The following MECOM variants were observed in gnomAD, a reference collection of about 807,000 sequenced individuals.
MECOM encodes MDS1 and EVI1 complex locus.
In MECOM, 13 loss-of-function variants were observed where a neutral mutation model predicts 116.3. That is an observed-to-expected ratio of 0.11 (90% CI 0.07 to 0.18). The LOEUF (loss-of-function observed/expected upper bound fraction) is 0.18. MECOM is among the 10% of genes least tolerant of loss of function. MECOM has a pLI of 1.00. For missense variants in MECOM, 1,299 were observed against 1,509.0 expected, an observed-to-expected ratio of 0.86 and a Z score of 2.31; for synonymous variants, 528 against 535.2, an observed-to-expected ratio of 0.99 and a Z score of 0.19.
At chr3:169,341,260 G>A (rs1724450325) in intron 2 of MECOM, among the ~76,000 whole-genome samples, 1 of 151,994 alleles carries the variant, frequency 6.6e-6, no homozygotes, top group Admixed American at 6.6e-5. Flanking sequence ...GATGGAACTG[G>A]AGGTCATTAT....
chr3:169,187,084 G>A (rs1272885681), intron 2 of MECOM, among the ~76,000 whole-genome samples: 1 of 152,144 alleles, frequency 6.6e-6, no homozygotes, highest in Non-Finnish European at 1.5e-5. Flanking sequence ...AAGTCTGACT[G>A]TACAGTGCTG....
intron 1 of MECOM, among the ~76,000 whole-genome samples, chr3:169,536,327 CTGTT>C (rs1759345688): frequency 7.2e-6 from 1 of 138,956 alleles, no homozygotes; most frequent in South Asian, 2.3e-4. Flanking sequence ...ATTTGGAGCT[CTGTT>C]TGTTAAATGT....
intron 1 of MECOM, among the ~76,000 whole-genome samples, chr3:169,502,532 C>T (rs1453315386): frequency 6.6e-6 from 1 of 152,086 alleles, no homozygotes; most frequent in Non-Finnish European, 1.5e-5. Context: ...CCTAAAAACA[C>T]CCTTTTACAC....
rs549744746 is a variant in MECOM, at chr3:169,555,053, T to C, written c.37+108283A>G. On this transcript the variant is annotated intron_variant, in intron 1 of 16. Transcript: ENST00000651503. ...TTCTAAATAAGTTTACCAGAAGAGG[T>C]ATGATGATTTTATGTCATTTATATT... 2.6e-5 allele frequency among the ~76,000 whole-genome samples: 4 copies of C among 152,296 alleles called. No homozygotes were observed. The South Asian group carries it at 8.3e-4, about 32-fold the overall frequency.
intron 2 of MECOM, among the ~76,000 whole-genome samples, chr3:169,176,823 C>T (rs1745232940): frequency 1.3e-5 from 2 of 151,966 alleles, no homozygotes; most frequent in East Asian, 3.9e-4. Context: ...GAACAGACAA[C>T]TCAAAATAAG....
chr3:169,485,940 T>TAC (rs1491397501), intron 1 of MECOM, among the ~76,000 whole-genome samples: 8 of 66,322 alleles, frequency 1.2e-4, no homozygotes, highest in Admixed American at 1.0e-3. Flanking sequence ...ATAGTATATA[T>TAC]GTATGTATAT....
intron 1 of MECOM, among the ~76,000 whole-genome samples, chr3:169,417,752 T>G (rs1738924135): frequency 6.6e-6 from 1 of 151,912 alleles, no homozygotes; most frequent in African/African-American, 2.4e-5. Flanking sequence ...ATGTGGCACA[T>G]ATACACCATG....
chr3:169,103,153 TG>T (rs1395894714), intron 10 of MECOM, among the ~76,000 whole-genome samples: 2 of 151,450 alleles, frequency 1.3e-5, no homozygotes, highest in Non-Finnish European at 2.9e-5. Flanking sequence ...TTTGTAGAGA[TG>T]GAGTCTCACT....
chr3:169,109,138 A>G (rs187351359), intron 9 of MECOM, among the ~76,000 whole-genome samples: 13 of 152,352 alleles, frequency 8.5e-5, no homozygotes, highest in African/African-American at 2.9e-4. Context: ...GAGGTCACAC[A>G]GTAATAACAT....
At chr3:169,488,666 A>G (rs1752702846) in intron 1 of MECOM, among the ~76,000 whole-genome samples, 1 of 152,128 alleles carries the variant, frequency 6.6e-6, no homozygotes, top group African/African-American at 2.4e-5. Context: ...ATGAATAACA[A>G]AACTATAACA....
intron 1 of MECOM, among the ~76,000 whole-genome samples, chr3:169,415,220 G>A (rs1738346960): frequency 6.6e-6 from 1 of 152,130 alleles, no homozygotes; most frequent in African/African-American, 2.4e-5. Context: ...AAAAGTGGAG[G>A]CCAATATTCA....
chr3:169,175,985 C>T (rs569576771), intron 2 of MECOM, among the ~76,000 whole-genome samples: 2 of 152,122 alleles, frequency 1.3e-5, no homozygotes, highest in Admixed American at 6.6e-5. Flanking sequence ...CTAGTTTCTG[C>T]TAATATGGTT....
intron 2 of MECOM, among the ~76,000 whole-genome samples, chr3:169,150,312 C>T (rs1740992363): frequency 6.6e-6 from 1 of 152,220 alleles, no homozygotes; most frequent in African/African-American, 2.4e-5. Flanking sequence ...TGCTTTCCAT[C>T]AGAAGGTTTC....
chr3:169,296,292 C>A (rs2149705386), intron 2 of MECOM, among the ~76,000 whole-genome samples: 1 of 152,300 alleles, frequency 6.6e-6, no homozygotes, highest in African/African-American at 2.4e-5. Flanking sequence ...AGACAAGTGG[C>A]ATCCTATAAC....
chr3:169,183,957 C>T (rs1232420893), intron 2 of MECOM, among the ~76,000 whole-genome samples: 1 of 151,744 alleles, frequency 6.6e-6, no homozygotes, highest in African/African-American at 2.4e-5. Flanking sequence ...CTCCACCTCC[C>T]GGGTTCACGC....
intron 1 of MECOM, among the ~76,000 whole-genome samples, chr3:169,657,110 G>A (rs1290217180): frequency 2.0e-5 from 3 of 152,220 alleles, no homozygotes; most frequent in African/African-American, 7.2e-5. Context: ...AGGGGGATCT[G>A]TATTCAGACA....
chr3:169,233,278 T>G (rs1753643531), intron 2 of MECOM, among the ~76,000 whole-genome samples: 1 of 152,144 alleles, frequency 6.6e-6, no homozygotes, highest in Non-Finnish European at 1.5e-5. Context: ...TTGATAATTC[T>G]TCAGGCTATT....
At chr3:169,441,757 G>T (rs1213649588) in intron 1 of MECOM, among the ~76,000 whole-genome samples, 1 of 105,842 alleles carries the variant, frequency 9.4e-6, no homozygotes, top group African/African-American at 2.8e-5. Flanking sequence ...AAAAGGGGGG[G>T]TCTTGCTCTG....
intron 2 of MECOM, chr3:169,145,010 A>G (rs1739352221): frequency 6.4e-7 from 1 of 1,560,530 alleles, no homozygotes; most frequent in Non-Finnish European, 8.7e-7. Context: ...ATACTTCAAG[A>G]AAAACCCAGT....
Sources: allele counts gnomAD v4.1 joint callset (sites outside exome capture counted in the v4.1 genomes callset), GRCh38; gene constraint gnomAD v4.1.1; transcripts MANE v1.5; gene names NCBI Gene and HGNC (gene_info 2026-07-23, HGNC 2026-07-21).